Variants in GPT2 observed in about 807,000 individuals in gnomAD.
GPT2 encodes the protein alanine aminotransferase 2.
GPT2 carries 30 observed loss-of-function variants against 56.9 expected under a neutral mutation model. The ratio of observed to expected loss-of-function variants is 0.53; its 90% confidence interval spans 0.39 to 0.72. The LOEUF (loss-of-function observed/expected upper bound fraction) is 0.72, where lower values mean the gene tolerates loss of function less well. Among genes scored for constraint, GPT2 ranks in the 30% least tolerant of loss-of-function variants. The pLI, the probability that GPT2 is intolerant of heterozygous loss-of-function variation, is 0.00. For missense variants in GPT2, 542 were observed against 703.4 expected (o/e 0.77, Z 2.60); for synonymous variants, 271 against 283.1 (o/e 0.96, Z 0.43).
chr16:46,924,071 G>A (rs550355452), intron 9 of GPT2: 2 of 394,364 alleles, frequency 5.1e-6, no homozygotes, highest in East Asian at 1.2e-4. Context: ...GGAAGAATTT[G>A]TGCCGGGAGA....
intron 4 of GPT2, among the ~76,000 whole-genome samples, chr16:46,901,563 G>C (rs554358764): frequency 8.5e-5 from 13 of 152,288 alleles, no homozygotes; most frequent in Non-Finnish European, 1.3e-4. Context: ...AGCTTCCTTC[G>C]CCCTGAGGAA....
chr16:46,889,143 C>T (rs1960537666), intron 2 of GPT2, among the ~76,000 whole-genome samples: 2 of 151,958 alleles, frequency 1.3e-5, no homozygotes, highest in African/African-American at 4.8e-5. Flanking sequence ...CCTTACACTT[C>T]AGCCTCTTGA....
At chr16:46,909,608 G>C (rs1006369953) in intron 5 of GPT2, 76 bp from the exon 6 acceptor site, 21 of 1,543,996 alleles carry the variant, frequency 1.4e-5, no homozygotes, top group Non-Finnish European at 1.9e-5. Flanking sequence ...GAGGCATGCA[G>C]TGGGGCCACG....
At chr16:46,926,159 G>A (rs953177741) in intron 10 of GPT2, among the ~76,000 whole-genome samples, 2 of 148,186 alleles carry the variant, frequency 1.3e-5, no homozygotes, top group African/African-American at 5.0e-5. Flanking sequence ...AAAGGAATCC[G>A]TGGTGTAGTC....
At chr16:46,885,535 T>G (rs2143308884) in intron 2 of GPT2, 1 of 985,274 alleles carries the variant, frequency 1.0e-6, no homozygotes, top group African/African-American at 1.7e-5. Flanking sequence ...CTCTGGAGCC[T>G]TGGCCGACCA....
intron 5 of GPT2, among the ~76,000 whole-genome samples, chr16:46,909,239 G>A (rs1221944693): frequency 6.6e-6 from 1 of 152,042 alleles, no homozygotes; most frequent in African/African-American, 2.4e-5. Context: ...GCTAGTGTGG[G>A]AACTATTTTA....
Position 46,928,918 on chromosome 16 carries a change from T to G in GPT2, c.1493T>G (p.Leu498Arg). Residue 498 changes from leucine to arginine, a missense_variant, in exon 12 of 12, where the codon CTC becomes CGC. Leu to Arg is a moderately radical substitution (Grantham distance 102). Transcript: ENST00000340124. The part of the protein sequence containing the change: ...EGTYHFRMTI[L>R]PPVEKLKTVL... The stretch of plus-strand genomic sequence containing the variant: ...GTCTCTCCTGCCAGGATGACTATCC[T>G]CCCTCCAGTGGAGAAGCTGAAAACG... The G allele has an allele frequency of 6.2e-7, 1 of 1,613,676 alleles. No homozygotes were observed. Among genetic ancestry groups the G allele is most frequent in the African/African-American group, 1.3e-5 (1 of 75,022 alleles).
At chr16:46,917,888 C>T (rs1430505486) in intron 7 of GPT2, among the ~76,000 whole-genome samples, 1 of 152,152 alleles carries the variant, frequency 6.6e-6, no homozygotes, top group Non-Finnish European at 1.5e-5. Flanking sequence ...GGTTTCCTCA[C>T]AACCTGGTAT....
At chr16:46,907,424 G>A (rs919870730) in intron 5 of GPT2, among the ~76,000 whole-genome samples, 9 of 152,238 alleles carry the variant, frequency 5.9e-5, no homozygotes, top group Non-Finnish European at 4.4e-5. Flanking sequence ...AGGACAGGGT[G>A]TTATGGGAAG....
chr16:46,903,444 G>A (rs1960859438), intron 4 of GPT2, among the ~76,000 whole-genome samples: 1 of 151,838 alleles, frequency 6.6e-6, no homozygotes, highest in Non-Finnish European at 1.5e-5. Context: ...AAGTAGCTGG[G>A]ACTACAGGCA....
intron 10 of GPT2, among the ~76,000 whole-genome samples, chr16:46,925,129 T>C (rs1208760256): frequency 1.3e-5 from 2 of 152,034 alleles, no homozygotes; most frequent in African/African-American, 4.8e-5. Context: ...CCGGGCTGGT[T>C]GCAAACTCCT....
intron 2 of GPT2, among the ~76,000 whole-genome samples, chr16:46,892,981 C>G (rs1244110677): frequency 6.6e-6 from 1 of 152,166 alleles, no homozygotes; most frequent in African/African-American, 2.4e-5. Context: ...ATTAAATCAT[C>G]TTTACAGCCT....
intron 8 of GPT2, among the ~76,000 whole-genome samples, chr16:46,920,629 C>T (rs548100710): frequency 9.2e-5 from 14 of 152,328 alleles, no homozygotes; most frequent in African/African-American, 3.1e-4. Flanking sequence ...ACAGTGTAAG[C>T]GTGAAGCTCA....
intron 9 of GPT2, chr16:46,923,977 G>C (rs1961347798): frequency 2.9e-6 from 1 of 342,584 alleles, no homozygotes; most frequent in Admixed American, 3.9e-5. Context: ...AGGCTGCTGG[G>C]CTCTACCCTT....
intron 6 of GPT2, chr16:46,915,230 T>TTAA (rs1301397317): frequency 6.6e-6 from 1 of 152,168 alleles, no homozygotes; most frequent in Non-Finnish European, 1.5e-5. Context: ...CTGCTCCTTA[T>TTAA]GATGCTTCCA....
At chr16:46,916,756 G>T in intron 7 of GPT2, 49 bp downstream of exon 7, 1 of 1,300,354 alleles carries the variant, frequency 7.7e-7, no homozygotes, top group Non-Finnish European at 1.1e-6. Context: ...TTCTCTTCTA[G>T]AGGGAGGGAC....
At chr16:46,916,349 A>C in intron 6 of GPT2, 1 of 262,108 alleles carries the variant, frequency 3.8e-6, no homozygotes, top group Non-Finnish European at 7.5e-6. Context: ...CCGTCTCAAA[A>C]AAATTAAAAA....
At chr16:46,919,835 AGAG>A (rs1596631634) in intron 8 of GPT2, among the ~76,000 whole-genome samples, 1 of 151,920 alleles carries the variant, frequency 6.6e-6, no homozygotes, top group East Asian at 1.9e-4. Flanking sequence ...AGAGATGGGG[AGAG>A]GATCCTGGAT....
At position 46,906,934 on chromosome 16, in the gene GPT2, G is replaced by A. The variant is rs756039949; in HGVS notation, c.535G>A (p.Asp179Asn). Residue 179 changes from aspartate (D) to asparagine (N), a missense_variant, in exon 5 of 12, where the codon GAC (aspartate) becomes AAC (asparagine). Transcript: ENST00000340124. ...GGATGGCGGTGTGCCTGCGGACCCC[G>A]ACAACATCTACCTGACCACGGGAGC... ...RRDGGVPADPDNIYLTTGASD... is the reference protein window; with the variant it reads ...RRDGGVPADPNNIYLTTGASD... 3.4e-5 allele frequency: 55 copies of A among 1,614,082 alleles called. No homozygotes were observed. The highest frequency in any genetic ancestry group is 4.3e-5 in the Non-Finnish European group (51 of 1,180,030).
Sources: gnomAD v4.1 joint callset for allele counts (sites outside exome capture counted in the v4.1 genomes callset) on GRCh38, gnomAD v4.1.1 for gene constraint, MANE v1.5 for transcripts, NCBI Gene and HGNC (gene_info 2026-07-23, HGNC 2026-07-21) for gene names.